Variants in NXN observed in about 807,000 individuals in gnomAD.
NXN encodes the protein nucleoredoxin.
A neutral mutation model predicts 48.6 loss-of-function variants in NXN; 16 were observed. The observed-to-expected ratio is 0.33, with a 90% CI of 0.22 to 0.50. The LOEUF (loss-of-function observed/expected upper bound fraction) is 0.50. NXN is among the 20% of genes least tolerant of loss of function. NXN has a pLI of 0.98. For missense variants in NXN, 492 were observed against 605.5 expected, an observed-to-expected ratio of 0.81 and a Z score of 1.97; for synonymous variants, 281 against 269.6, an observed-to-expected ratio of 1.04 and a Z score of -0.41.
At chr17:976,800 CTT>C (rs2069464737) in intron 1 of NXN, among the ~76,000 whole-genome samples, 1 of 148,366 alleles carries the variant, frequency 6.7e-6, no homozygotes, top group South Asian at 2.1e-4. Flanking sequence ...GAGTTTCGCT[CTT>C]GTTGCCCAGA....
intron 1 of NXN, among the ~76,000 whole-genome samples, chr17:968,676 G>A (rs993956402): frequency 5.3e-5 from 8 of 152,190 alleles, no homozygotes; most frequent in Admixed American, 1.3e-4. Context: ...GGTGGCTCAC[G>A]CCTGTAATCC....
chr17:927,070 T>C (rs2068807693), intron 1 of NXN, among the ~76,000 whole-genome samples: 1 of 151,440 alleles, frequency 6.6e-6, no homozygotes, highest in African/African-American at 2.4e-5. Flanking sequence ...TCCTAGCACT[T>C]TGGGAGGCCG....
chr17:851,060 G>A lies in NXN; in HGVS notation c.361-24982C>T, dbSNP rs146494356. Among the ~76,000 whole-genome samples the A allele has an allele frequency of 6.6e-5, 10 of 152,348 alleles. No homozygotes were observed. In the East Asian group the frequency reaches 7.7e-4, roughly 12 times the overall value. On this transcript the variant is annotated intron_variant, in intron 1 of 7. Coordinates refer to ENST00000336868, the MANE Select transcript of NXN (RefSeq NM_022463.5). The stretch of plus-strand genomic sequence containing the variant: ...ACCACACACAAACAGCTTCTCCGTC[G>A]GGAGCACAGCTTCCTGGGACAGGCT...
chr17:891,006 T>C (rs1167011800), intron 1 of NXN, among the ~76,000 whole-genome samples: 1 of 130,924 alleles, frequency 7.6e-6, no homozygotes, highest in East Asian at 2.2e-4. Context: ...TACAAATCAA[T>C]CAATCTATCT....
chr17:862,834 A>G (rs185305609), intron 1 of NXN, among the ~76,000 whole-genome samples: 1 of 152,316 alleles, frequency 6.6e-6, no homozygotes, highest in Admixed American at 6.5e-5. Context: ...ATCACGAGGG[A>G]ACCATTTGAC....
chr17:843,006 G>GAAGGAA (rs1302027670), intron 1 of NXN, among the ~76,000 whole-genome samples: 2 of 96,042 alleles, frequency 2.1e-5, no homozygotes, highest in African/African-American at 8.7e-5. Flanking sequence ...GAGAGAAAGA[G>GAAGGAA]AGAAAGAAAG....
intron 1 of NXN, among the ~76,000 whole-genome samples, chr17:906,340 A>C (rs2068580967): frequency 1.3e-5 from 2 of 152,142 alleles, no homozygotes; most frequent in Non-Finnish European, 2.9e-5. Context: ...TTAATAAATA[A>C]ATAAATACCA....
At chr17:828,697 C>T (rs1454066003) in intron 1 of NXN, among the ~76,000 whole-genome samples, 4 of 152,124 alleles carry the variant, frequency 2.6e-5, no homozygotes, top group Admixed American at 6.6e-5. Flanking sequence ...CCACCGCACC[C>T]GGCCCCAGTT....
At chr17:802,209 C>T (rs191353326) in intron 7 of NXN, among the ~76,000 whole-genome samples, 1 of 152,238 alleles carries the variant, frequency 6.6e-6, no homozygotes, top group African/African-American at 2.4e-5. Flanking sequence ...GCAGCCTCCA[C>T]CTCCTGGGCT....
intron 5 of NXN, among the ~76,000 whole-genome samples, chr17:813,489 G>C (rs1027367132): frequency 6.6e-6 from 1 of 152,240 alleles, no homozygotes; most frequent in African/African-American, 2.4e-5. Context: ...GCGCTGAGAA[G>C]GCGCTTCCAA....
chr17:940,237 A>ATTT (rs56917679), intron 1 of NXN, among the ~76,000 whole-genome samples: 48 of 141,276 alleles, frequency 3.4e-4, no homozygotes, highest in African/African-American at 1.0e-3. Flanking sequence ...CCTGGCCTCA[A>ATTT]TTTTTTTTTT....
rs1045000259 is a variant in NXN at position 855,346 on chromosome 17, G to A, written c.361-29268C>T. On this transcript the variant is annotated intron_variant, in intron 1 of 7. Coordinates refer to ENST00000336868, the MANE Select transcript of NXN (RefSeq NM_022463.5). ...AAGAGAGGCAGCCTTTGAATCCCCC[G>A]GGTCTGATAGCGCCCAAGGGGCTCC... is the stretch of plus-strand genomic sequence containing the variant. 6.6e-5 allele frequency among the ~76,000 whole-genome samples: 10 copies of A among 152,058 alleles called. 1 individual carries two copies. Among genetic ancestry groups the A allele is most frequent in the African/African-American group, 1.4e-4 (6 of 41,396 alleles).
intron 1 of NXN, among the ~76,000 whole-genome samples, chr17:888,996 A>C (rs1163252284): frequency 1.3e-5 from 2 of 150,742 alleles, no homozygotes; most frequent in Non-Finnish European, 3.0e-5. Context: ...TGACGGAGCC[A>C]CTTGAAACAT....
At position 846,628 on chromosome 17, in the gene NXN, G is replaced by A. The variant is rs562010103; in HGVS notation, c.361-20550C>T. On this transcript the variant is annotated intron_variant, in intron 1 of 7. Transcript: ENST00000336868. ...TACCCTTTTTTTATTGGCCGGAGTC[G>A]GGTCTTATAATATAAACTAATCCCA... 3.1e-4 allele frequency among the ~76,000 whole-genome samples: 47 copies of A among 152,132 alleles called. No homozygotes were observed. In the East Asian group the frequency reaches 7.8e-3, roughly 25 times the overall value.
Position 849,754 on chromosome 17 carries a change from G to A in NXN, c.361-23676C>T, listed in dbSNP as rs1435716076. On this transcript the variant is annotated intron_variant, in intron 1 of 7. Transcript: ENST00000336868. This position sits in a 1 kb window ranked among gnomAD's most constrained non-coding sequence, Gnocchi z 4.2. ...GAGTGCTGAAGAGCTGACAGTGGAG[G>A]TGAGAACCATAAACTCACGTCAAGG... Among the ~76,000 whole-genome samples the A allele has an allele frequency of 6.6e-6, 1 of 152,202 alleles. No homozygotes were observed. The highest frequency in any genetic ancestry group is 1.5e-5 in the Non-Finnish European group (1 of 68,042).
rs1484512825 is a variant in NXN, at chr17:920,801, C to T, written c.360+58518G>A. On this transcript the variant is annotated intron_variant, in intron 1 of 7. Coordinates refer to ENST00000336868, the MANE Select transcript of NXN (RefSeq NM_022463.5). The surrounding 1 kb of genome is among the most constrained non-coding windows in gnomAD (Gnocchi z 4.6). ...GCAGTGGTGGGATCTCGGCTCGCTG[C>T]AACCTCTGCCTCCCGGGTTCAAGCG... 1.3e-5 allele frequency among the ~76,000 whole-genome samples: 2 copies of T among 151,738 alleles called. No homozygotes were observed. Among genetic ancestry groups the T allele is most frequent in the Non-Finnish European group, 2.9e-5 (2 of 67,980 alleles).
intron 5 of NXN, among the ~76,000 whole-genome samples, chr17:813,656 G>T (rs147546554): frequency 6.6e-6 from 1 of 152,324 alleles, no homozygotes; most frequent in East Asian, 1.9e-4. Context: ...TTTAACTTCA[G>T]CATTTTTTTT....
chr17:951,015 G>A (rs967415442), intron 1 of NXN, among the ~76,000 whole-genome samples: 3 of 151,822 alleles, frequency 2.0e-5, no homozygotes, highest in Non-Finnish European at 2.9e-5. Flanking sequence ...AGAAAAAACC[G>A]GGTAGAACCC....
chr17:865,156 G>A (rs972871623), intron 1 of NXN, among the ~76,000 whole-genome samples: 4 of 152,088 alleles, frequency 2.6e-5, no homozygotes, highest in African/African-American at 9.7e-5. Flanking sequence ...CAGTGGAAGC[G>A]CATTGGGTGA....
Sources: allele counts gnomAD v4.1 joint callset (sites outside exome capture counted in the v4.1 genomes callset), GRCh38; gene constraint gnomAD v4.1.1; non-coding constraint Gnocchi (gnomAD v3.1); transcripts MANE v1.5; gene names NCBI Gene and HGNC (gene_info 2026-07-23, HGNC 2026-07-21).